KCNMB2: variants seen among roughly 807,000 people sequenced by gnomAD.
KCNMB2 encodes calcium-activated potassium channel subunit beta-2.
KCNMB2 carries 9 observed loss-of-function variants against 24.5 expected under a neutral mutation model. The ratio of observed to expected loss-of-function variants is 0.37; its 90% confidence interval spans 0.22 to 0.64. The LOEUF is 0.64. KCNMB2 is among the 30% of genes least tolerant of loss of function. KCNMB2 has a pLI of 0.63. For missense variants in KCNMB2, 226 were observed against 284.3 expected (o/e 0.79, Z 1.47); for synonymous variants, 109 against 104.4 (o/e 1.04, Z -0.27).
chr3:178,591,356 C>T (rs1057074575), intron 1 of KCNMB2, among the ~76,000 whole-genome samples: 1 of 152,164 alleles, frequency 6.6e-6, no homozygotes, highest in African/African-American at 2.4e-5. Context: ...CATCGCTTTT[C>T]CCTTCTTCGG....
At chr3:178,618,401 G>A (rs1718792112) in intron 1 of KCNMB2, among the ~76,000 whole-genome samples, 1 of 152,118 alleles carries the variant, frequency 6.6e-6, no homozygotes, top group South Asian at 2.1e-4. Context: ...CACAGAGCCT[G>A]CGTGCTGAAT....
intron 1 of KCNMB2, among the ~76,000 whole-genome samples, chr3:178,769,548 T>C (rs1320067042): frequency 6.6e-6 from 1 of 152,166 alleles, no homozygotes; most frequent in East Asian, 1.9e-4. Context: ...GGACACAGGA[T>C]AAGAATTGCA....
At chr3:178,683,014 T>C (rs577509434) in intron 1 of KCNMB2, among the ~76,000 whole-genome samples, 8 of 152,132 alleles carry the variant, frequency 5.3e-5, no homozygotes, top group Non-Finnish European at 1.0e-4. Context: ...AGAAAATAAA[T>C]CTACCAAAAA....
intron 1 of KCNMB2, among the ~76,000 whole-genome samples, chr3:178,682,156 C>A (rs1416388262): frequency 6.6e-6 from 1 of 152,132 alleles, no homozygotes; most frequent in African/African-American, 2.4e-5. Context: ...TGAGTTTGAA[C>A]CTGCAATCTT....
intron 1 of KCNMB2, among the ~76,000 whole-genome samples, chr3:178,677,403 A>G (rs1721106832): frequency 6.6e-6 from 1 of 152,354 alleles, no homozygotes; most frequent in African/African-American, 2.4e-5. Flanking sequence ...ACAAGAAGAC[A>G]TGAGGAGGGA....
intron 1 of KCNMB2, among the ~76,000 whole-genome samples, chr3:178,755,529 G>C (rs1017353286): frequency 1.3e-5 from 2 of 152,138 alleles, no homozygotes; most frequent in Non-Finnish European, 2.9e-5. Context: ...CCACCCTTTT[G>C]TATCAAGCAG....
rs34063119 is a variant in KCNMB2, at chr3:178,760,507, CGTGTGTGTGTGT to C, written c.-67-46819_-67-46808del. On this transcript the variant is annotated intron_variant, in intron 1 of 4. Coordinates refer to ENST00000452583, the MANE Select transcript of KCNMB2 (RefSeq NM_181361.3). ...ATATATAATGTATCTCCAAGAGTTT[CGTGTGTGTGTGT>C]GTGTGTGTGTGTGTGTTTGTGTATA... Among the ~76,000 whole-genome samples, 171 of 117,440 alleles carry C rather than the reference CGTGTGTGTGTGT, an allele frequency of 1.5e-3. 1 individual carries two copies. Among genetic ancestry groups the C allele is most frequent in the African/African-American group, 5.1e-3 (162 of 31,536 alleles). 77.0% of individuals were successfully genotyped at this position (117,440 alleles called of 152,430 possible). A position where few individuals can be genotyped will look rare whatever the true frequency, so the allele number is the denominator to read the frequency against.
intron 1 of KCNMB2, among the ~76,000 whole-genome samples, chr3:178,720,620 C>A (rs1722769381): frequency 7.8e-6 from 1 of 128,376 alleles, no homozygotes; most frequent in Non-Finnish European, 1.6e-5. Flanking sequence ...GTTCCTATTT[C>A]TCCACATCCT....
chr3:178,599,506 C>T (rs1718001747), intron 1 of KCNMB2, among the ~76,000 whole-genome samples: 1 of 152,150 alleles, frequency 6.6e-6, no homozygotes, highest in African/African-American at 2.4e-5. Context: ...CAAATCGCAA[C>T]ACACAATTCC....
chr3:178,722,034 T>C (rs1722823523), intron 1 of KCNMB2, among the ~76,000 whole-genome samples: 2 of 152,210 alleles, frequency 1.3e-5, no homozygotes, highest in Admixed American at 1.3e-4. Context: ...TAACAGAGTC[T>C]TTTGCAGAGC....
At chr3:178,743,486 C>A (rs1479394676) in intron 1 of KCNMB2, among the ~76,000 whole-genome samples, 1 of 152,154 alleles carries the variant, frequency 6.6e-6, no homozygotes, top group African/African-American at 2.4e-5. Context: ...GCATATACTC[C>A]CACGTGCTAC....
At chr3:178,623,566 A>G (rs1718997068) in intron 1 of KCNMB2, among the ~76,000 whole-genome samples, 1 of 152,238 alleles carries the variant, frequency 6.6e-6, no homozygotes, top group African/African-American at 2.4e-5. Flanking sequence ...AATCAGTGAC[A>G]GGTTCAAAGT....
chr3:178,537,019 C>T (rs1715432481), intron 1 of KCNMB2, among the ~76,000 whole-genome samples: 1 of 152,138 alleles, frequency 6.6e-6, no homozygotes, highest in African/African-American at 2.4e-5. Flanking sequence ...ACCTGTGGTG[C>T]CGGCTGGGCT....
At position 178,825,578 on chromosome 3, in the gene KCNMB2, T is replaced by A. The variant is rs759720025; in HGVS notation, c.57-10T>A. On this transcript the variant is annotated splice_polypyrimidine_tract_variant and intron_variant, in intron 2 of 4. Transcript: ENST00000452583. ...AACTTAATGTAAGACCATATTGTTT[T>A]TAACCTCAGAAATATTTACCAGAAA... is the stretch of plus-strand genomic sequence containing the variant. The A allele has an allele frequency of 6.8e-6, 11 of 1,609,302 alleles. No homozygotes were observed. The highest frequency in any genetic ancestry group is 9.4e-6 in the Non-Finnish European group (11 of 1,176,394).
chr3:178,755,216 C>T (rs1024231228), intron 1 of KCNMB2, among the ~76,000 whole-genome samples: 1 of 152,202 alleles, frequency 6.6e-6, no homozygotes. Flanking sequence ...TCAAAAAACG[C>T]CCCATGAATG....
At chr3:178,585,144 A>T (rs1717380888) in intron 1 of KCNMB2, among the ~76,000 whole-genome samples, 1 of 152,228 alleles carries the variant, frequency 6.6e-6, no homozygotes, top group African/African-American at 2.4e-5. Context: ...ATTTCTGCAA[A>T]CAGAAAGCAG....
chr3:178,701,307 T>G (rs557206303), intron 1 of KCNMB2, among the ~76,000 whole-genome samples: 1 of 152,288 alleles, frequency 6.6e-6, no homozygotes, highest in South Asian at 2.1e-4. Flanking sequence ...TTCTGTTCCA[T>G]TAGTCTATAT....
At chr3:178,599,206 T>G (rs1179603631) in intron 1 of KCNMB2, among the ~76,000 whole-genome samples, 1 of 152,174 alleles carries the variant, frequency 6.6e-6, no homozygotes. Context: ...TCTGCAAAGG[T>G]TGTAAAACAC....
intron 1 of KCNMB2, among the ~76,000 whole-genome samples, chr3:178,754,233 T>C (rs1217906712): frequency 6.7e-6 from 1 of 149,560 alleles, no homozygotes; most frequent in Non-Finnish European, 1.5e-5. Context: ...TATTCATTCA[T>C]CTACTGATGG....
Sources: allele counts gnomAD v4.1 joint callset (sites outside exome capture counted in the v4.1 genomes callset), GRCh38; gene constraint gnomAD v4.1.1; transcripts MANE v1.5; gene names NCBI Gene and HGNC (gene_info 2026-07-23, HGNC 2026-07-21).